ARHGAP22: variants seen among roughly 807,000 people sequenced by gnomAD.
ARHGAP22 encodes Rho GTPase activating protein 22.
A neutral mutation model predicts 59.1 loss-of-function variants in ARHGAP22; 48 were observed. The observed-to-expected ratio is 0.81, with a 90% CI of 0.64 to 1.03. ARHGAP22 has a LOEUF of 1.03. Among genes scored for constraint, ARHGAP22 ranks in the 50% least tolerant of loss-of-function variants. The pLI is 0.00. For missense variants in ARHGAP22, 1,015 were observed against 958.7 expected, an observed-to-expected ratio of 1.06 and a Z score of -0.78; for synonymous variants, 445 against 416.4, an observed-to-expected ratio of 1.07 and a Z score of -0.84.
intron 3 of ARHGAP22, among the ~76,000 whole-genome samples, chr10:48,551,394 A>T (rs1334608530): frequency 2.0e-5 from 3 of 152,156 alleles, no homozygotes; most frequent in Non-Finnish European, 2.9e-5. Context: ...TGAGAACTGG[A>T]TGCTTACGGC....
the ARHGAP22 span, chr10:48,438,036 A>G: frequency 6.6e-6 from 1 of 152,284 alleles, no homozygotes; most frequent in Non-Finnish European, 1.5e-5. Flanking sequence ...AAACATATGA[A>G]GACTTAACTA....
chr10:48,492,213 A>G (rs2050470588), intron 3 of ARHGAP22, among the ~76,000 whole-genome samples: 2 of 152,268 alleles, frequency 1.3e-5, no homozygotes, highest in African/African-American at 4.8e-5. Context: ...TGATCAAATT[A>G]TATATCTGAC....
chr10:48,442,800 C>T (rs958118777), downstream of ARHGAP22, among the ~76,000 whole-genome samples: 1 of 152,144 alleles, frequency 6.6e-6, no homozygotes, highest in African/African-American at 2.4e-5. Flanking sequence ...CTCTACCAGG[C>T]ATTTTGGGCC....
At chr10:48,503,520 G>A (rs1334966168) in intron 3 of ARHGAP22, among the ~76,000 whole-genome samples, 1 of 152,218 alleles carries the variant, frequency 6.6e-6, no homozygotes, top group Admixed American at 6.5e-5. Context: ...TGCTGCTACC[G>A]TCACTGGCAC....
At chr10:48,604,223 C>T (rs1338692164) in intron 1 of ARHGAP22, among the ~76,000 whole-genome samples, 2 of 152,208 alleles carry the variant, frequency 1.3e-5, no homozygotes, top group Admixed American at 6.5e-5. Context: ...CGCATCCACC[C>T]GTCCTGCCCC....
chr10:48,451,371 A>G (rs1215630197), intron 8 of ARHGAP22: 3 of 721,736 alleles, frequency 4.2e-6, no homozygotes, highest in Non-Finnish European at 7.5e-6. Flanking sequence ...CAGAGCCGCA[A>G]GCAGGGAGGA....
At chr10:48,579,959 G>A (rs2059007258) in intron 2 of ARHGAP22, among the ~76,000 whole-genome samples, 2 of 152,214 alleles carry the variant, frequency 1.3e-5, no homozygotes, top group African/African-American at 2.4e-5. Context: ...AAAATTGACC[G>A]ACAGTTGCCT....
At chr10:48,476,949 C>A (rs1047657534) in intron 4 of ARHGAP22, among the ~76,000 whole-genome samples, 1 of 152,190 alleles carries the variant, frequency 6.6e-6, no homozygotes, top group Non-Finnish European at 1.5e-5. Flanking sequence ...GGCAAGTCAT[C>A]TCACTTCTTT....
intron 1 of ARHGAP22, chr10:48,652,142 G>C: frequency 8.0e-7 from 1 of 1,247,286 alleles, no homozygotes; most frequent in Non-Finnish European, 1.1e-6. Flanking sequence ...TCAGCCACAA[G>C]ACCAAGACAG....
chr10:48,451,942 C>A (rs972210139), intron 8 of ARHGAP22, among the ~76,000 whole-genome samples: 8 of 147,770 alleles, frequency 5.4e-5, no homozygotes, highest in Non-Finnish European at 9.0e-5. Context: ...ATGAACCCCA[C>A]CCACTGCCCA....
At chr10:48,610,887 G>A (rs559446939) in intron 1 of ARHGAP22, among the ~76,000 whole-genome samples, 1 of 152,244 alleles carries the variant, frequency 6.6e-6, no homozygotes, top group African/African-American at 2.4e-5. Flanking sequence ...GCTAGCAGCT[G>A]TCAGCTGACT....
At chr10:48,579,710 A>G (rs1307189864) in intron 2 of ARHGAP22, among the ~76,000 whole-genome samples, 1 of 152,042 alleles carries the variant, frequency 6.6e-6, no homozygotes, top group East Asian at 1.9e-4. Flanking sequence ...AGCATCAAAC[A>G]TGGCTGGATA....
chr10:48,489,573 A>G (rs1223646253), intron 3 of ARHGAP22, among the ~76,000 whole-genome samples: 6 of 152,222 alleles, frequency 3.9e-5, no homozygotes, highest in Non-Finnish European at 5.9e-5. Flanking sequence ...ACTTAAATGA[A>G]TAAGAATTAC....
chr10:48,547,415 G>C (rs2056537840), intron 3 of ARHGAP22, among the ~76,000 whole-genome samples: 1 of 152,262 alleles, frequency 6.6e-6, no homozygotes, highest in Admixed American at 6.5e-5. Flanking sequence ...GGGAGTTGGG[G>C]GGGAGGCCCC....
At chr10:48,634,930 A>G (rs2061755411) in intron 1 of ARHGAP22, among the ~76,000 whole-genome samples, 1 of 152,338 alleles carries the variant, frequency 6.6e-6, no homozygotes, top group Non-Finnish European at 1.5e-5. Context: ...CACAGGAAGA[A>G]GGTGATATTT....
At chr10:48,586,262 G>T (rs543970983) in intron 1 of ARHGAP22, among the ~76,000 whole-genome samples, 1 of 152,308 alleles carries the variant, frequency 6.6e-6, no homozygotes, top group South Asian at 2.1e-4. Flanking sequence ...TAAGGTTTGA[G>T]TTTGCATCAC....
intron 1 of ARHGAP22, among the ~76,000 whole-genome samples, chr10:48,591,356 G>C (rs2059741649): frequency 6.6e-6 from 1 of 152,200 alleles, no homozygotes; most frequent in Admixed American, 6.5e-5. Flanking sequence ...CGAGGCACAG[G>C]GCCAGCAGAG....
chr10:48,605,585 T>A (rs1484091050), upstream of ARHGAP22, among the ~76,000 whole-genome samples: 1 of 152,208 alleles, frequency 6.6e-6, no homozygotes, highest in Non-Finnish European at 1.5e-5. Flanking sequence ...GAATCTCTGC[T>A]AATTGCCATG....
chr10:48,602,929 T>C (rs2060468773), intron 1 of ARHGAP22, among the ~76,000 whole-genome samples: 2 of 152,158 alleles, frequency 1.3e-5, no homozygotes, highest in Non-Finnish European at 2.9e-5. Flanking sequence ...AATTAAGGTG[T>C]GTGTGTATGT....
Sources: gnomAD v4.1 joint callset for allele counts (sites outside exome capture counted in the v4.1 genomes callset) on GRCh38, gnomAD v4.1.1 for gene constraint, MANE v1.5 for transcripts, NCBI Gene and HGNC (gene_info 2026-07-23, HGNC 2026-07-21) for gene names.